The following MICU1 variants were observed in gnomAD, a reference collection of about 807,000 sequenced individuals.
MICU1 encodes the protein calcium uptake protein 1, mitochondrial.
MICU1 carries 45 observed loss-of-function variants against 56.8 expected under a neutral mutation model. That is an observed-to-expected ratio of 0.79 (90% CI 0.62 to 1.02). The LOEUF (loss-of-function observed/expected upper bound fraction) is 1.02, where lower values mean the gene tolerates loss of function less well. Among genes scored for constraint, MICU1 ranks in the 50% least tolerant of loss-of-function variants. The probability of loss-of-function intolerance (pLI) is 0.00; values close to 1 mark genes in which losing one functional copy is unlikely to be tolerated. For missense variants in MICU1, 504 were observed against 587.1 expected, an observed-to-expected ratio of 0.86 and a Z score of 1.46; for synonymous variants, 186 against 195.1, an observed-to-expected ratio of 0.95 and a Z score of 0.39.
At chr10:72,616,209 T>C (rs1841976100) in intron 1 of MICU1, among the ~76,000 whole-genome samples, 1 of 152,162 alleles carries the variant, frequency 6.6e-6, no homozygotes, top group Admixed American at 6.6e-5. Context: ...TGCCAGACAT[T>C]GTGAATTTTA....
At chr10:72,444,773 T>C (rs1051374714) in intron 8 of MICU1, among the ~76,000 whole-genome samples, 2 of 152,216 alleles carry the variant, frequency 1.3e-5, no homozygotes, top group Non-Finnish European at 2.9e-5. Context: ...ACTGTGCCTG[T>C]GTCGCACACA....
intron 9 of MICU1, among the ~76,000 whole-genome samples, chr10:72,416,368 T>C (rs1163755331): frequency 6.6e-6 from 1 of 152,192 alleles, no homozygotes; most frequent in Non-Finnish European, 1.5e-5. Flanking sequence ...TTTCACACGC[T>C]ATACTACATA....
chr10:72,569,235 A>ATTTTTTTTTTTTTTT (rs1245936809), intron 1 of MICU1, among the ~76,000 whole-genome samples: 17 of 42,562 alleles, frequency 4.0e-4, no homozygotes, highest in African/African-American at 1.6e-3. Flanking sequence ...ATATATATAT[A>ATTTTTTTTTTTTTTT]TATTTTTTTT....
intron 9 of MICU1, among the ~76,000 whole-genome samples, chr10:72,417,295 A>C (rs551478414): frequency 3.3e-5 from 5 of 152,156 alleles, no homozygotes; most frequent in African/African-American, 1.2e-4. Context: ...TACTAAAAAC[A>C]CACAAAAAAT....
chr10:72,381,462 G>A (rs1049305696), intron 10 of MICU1, among the ~76,000 whole-genome samples: 14 of 152,118 alleles, frequency 9.2e-5, no homozygotes, highest in Admixed American at 4.6e-4. Context: ...TAATACAAAT[G>A]CACATTTTAA....
intron 1 of MICU1, among the ~76,000 whole-genome samples, chr10:72,575,152 G>A (rs143381411): frequency 3.9e-5 from 6 of 152,226 alleles, no homozygotes; most frequent in African/African-American, 1.2e-4. Context: ...TCCTGCCTCA[G>A]CATTCCAAGT....
intron 8 of MICU1, among the ~76,000 whole-genome samples, chr10:72,444,651 T>C (rs770351286): frequency 3.3e-5 from 5 of 152,106 alleles, no homozygotes; most frequent in Non-Finnish European, 5.9e-5. Flanking sequence ...GGTTTCGCCA[T>C]GTTGGCCAGG....
At chr10:72,433,502 A>G (rs1447509596) in intron 8 of MICU1, among the ~76,000 whole-genome samples, 1 of 149,002 alleles carries the variant, frequency 6.7e-6, no homozygotes, top group Non-Finnish European at 1.5e-5. Context: ...ATCTCAGTTC[A>G]CTGCAAGCTC....
At chr10:72,572,927 C>A (rs1214762884) in intron 1 of MICU1, among the ~76,000 whole-genome samples, 3 of 151,936 alleles carry the variant, frequency 2.0e-5, no homozygotes, top group Non-Finnish European at 4.4e-5. Context: ...CATATACTGG[C>A]CTAGAAATTC....
Position 72,394,796 on chromosome 10 carries a change from C to G in MICU1, c.1180+13133G>C, listed in dbSNP as rs1262111343. Among the ~76,000 whole-genome samples, 5 of 152,188 alleles carry G rather than the reference C, an allele frequency of 3.3e-5. No homozygotes were observed. In the East Asian group the frequency reaches 9.6e-4, roughly 29 times the overall value. ...GACCAGCGTGGTCAACAGTGAGACC[C>G]CATCTCTGTTTTTTAAAATAAACAA... On this transcript the variant is annotated intron_variant, in intron 10 of 11. Transcript: ENST00000361114.
Position 72,464,366 on chromosome 10 carries a change from G to A in MICU1, c.933+10734C>T, listed in dbSNP as rs148925433. On this transcript the variant is annotated intron_variant, in intron 8 of 11. Transcript: ENST00000361114. Reference sequence around the variant, plus strand: ...TACACACATGCACGTGTGCTCGCACGCGCACACACGTATACATACACACAT... The same window carrying A: ...TACACACATGCACGTGTGCTCGCACACGCACACACGTATACATACACACAT... 5.3e-4 allele frequency among the ~76,000 whole-genome samples: 79 copies of A among 149,594 alleles called. 1 individual carries two copies. In the East Asian group the frequency reaches 0.013, roughly 24 times the overall value.
At chr10:72,511,803 C>T (rs1029364342) in intron 5 of MICU1, among the ~76,000 whole-genome samples, 3 of 152,134 alleles carry the variant, frequency 2.0e-5, no homozygotes, top group Non-Finnish European at 2.9e-5. Flanking sequence ...TTTCTGAAGT[C>T]GAATTTCTGA....
chr10:72,394,790 G>T (rs1463221152), intron 10 of MICU1, among the ~76,000 whole-genome samples: 1 of 152,188 alleles, frequency 6.6e-6, no homozygotes, highest in African/African-American at 2.4e-5. Flanking sequence ...GGTCAACAGT[G>T]AGACCCCATC....
intron 5 of MICU1, among the ~76,000 whole-genome samples, chr10:72,520,835 T>C (rs934305597): frequency 2.0e-5 from 3 of 152,140 alleles, no homozygotes; most frequent in Non-Finnish European, 4.4e-5. Context: ...AAAGGTTTGT[T>C]TTAATCCTCA....
At chr10:72,429,419 C>A (rs370645100) in intron 8 of MICU1, among the ~76,000 whole-genome samples, 1,248 of 112,714 alleles carry the variant, frequency 0.011, no homozygotes, top group East Asian at 0.018. Context: ...GATCCTGCCT[C>A]AAAAAAAAAA....
chr10:72,433,206 T>C (rs144909445), intron 8 of MICU1, among the ~76,000 whole-genome samples: 1,899 of 152,046 alleles, frequency 0.012, 18 homozygotes, highest in Non-Finnish European at 0.018. Context: ...TCCCAATGTG[T>C]TGGGATTACA....
chr10:72,387,092 C>T (rs540364277), intron 10 of MICU1, among the ~76,000 whole-genome samples: 5 of 152,354 alleles, frequency 3.3e-5, no homozygotes, highest in Admixed American at 3.3e-4. Context: ...GTTGGGCTAA[C>T]AGTCCCTGTG....
rs143067793 is a variant in MICU1 at position 72,437,606 on chromosome 10, T to C, written c.934-14235A>G. Among the ~76,000 whole-genome samples, 800 of 152,160 alleles carry C rather than the reference T, an allele frequency of 5.3e-3. 5 individuals are homozygous for C. The highest frequency in any genetic ancestry group is 0.014 in the Middle Eastern group (4 of 294). On this transcript the variant is annotated intron_variant, in intron 8 of 11. Coordinates refer to ENST00000361114, the MANE Select transcript of MICU1 (RefSeq NM_001195518.2). ...CCCAATTAAAAGACAGACTGGCAAA[T>C]TGGATAAAGAGTCAAGACGCACCAG...
At chr10:72,403,564 C>A (rs116863697) in intron 10 of MICU1, among the ~76,000 whole-genome samples, 1,890 of 151,678 alleles carry the variant, frequency 0.012, 17 homozygotes, top group Non-Finnish European at 0.018. Context: ...AAATAGTCCA[C>A]AAATTTACCT....
Sources: allele counts gnomAD v4.1 joint callset (sites outside exome capture counted in the v4.1 genomes callset), GRCh38; gene constraint gnomAD v4.1.1; transcripts MANE v1.5; gene names NCBI Gene and HGNC (gene_info 2026-07-23, HGNC 2026-07-21).